SCAI: variants seen among roughly 807,000 people sequenced by gnomAD.
SCAI encodes the protein suppressor of cancer cell invasion, also known as protein SCAI.
Under a neutral mutation model 92.2 loss-of-function variants are expected in SCAI, and 24 were observed. That is an observed-to-expected ratio of 0.26 (90% confidence interval 0.19 to 0.37). The LOEUF is 0.37. SCAI is among the 10% of genes least tolerant of loss of function. The probability of loss-of-function intolerance (pLI) is 1.00; values close to 1 mark genes in which losing one functional copy is unlikely to be tolerated. For missense variants in SCAI, 450 were observed against 736.2 expected, an observed-to-expected ratio of 0.61 and a Z score of 4.50; for synonymous variants, 261 against 258.6, an observed-to-expected ratio of 1.01 and a Z score of -0.09.
chr9:125,140,674 C>T, intron 2 of SCAI, among the ~76,000 whole-genome samples: 1 of 131,184 alleles, frequency 7.6e-6, no homozygotes, highest in South Asian at 2.5e-4. Context: ...GGCAACATGG[C>T]CAAACCTTGT....
chr9:125,097,543 A>G (rs1166455054), intron 2 of SCAI, among the ~76,000 whole-genome samples: 1 of 152,084 alleles, frequency 6.6e-6, no homozygotes. Context: ...ATAGACACAG[A>G]TATATGTAAT....
intron 2 of SCAI, among the ~76,000 whole-genome samples, chr9:125,124,885 C>T (rs1835228030): frequency 6.6e-6 from 1 of 152,210 alleles, no homozygotes; most frequent in African/African-American, 2.4e-5. Context: ...CACTGGATAA[C>T]TACCTTACGG....
At chr9:124,954,300 A>T (rs1831280833) in intron 17 of SCAI, among the ~76,000 whole-genome samples, 1 of 152,262 alleles carries the variant, frequency 6.6e-6, no homozygotes, top group African/African-American at 2.4e-5. Context: ...AGCAGAATAC[A>T]CTGAATTCTT....
chr9:125,063,815 G>A (rs925992227), intron 2 of SCAI, among the ~76,000 whole-genome samples: 4 of 150,992 alleles, frequency 2.6e-5, no homozygotes, highest in East Asian at 1.9e-4. Context: ...GTGCAATGGC[G>A]GGATCTCGGC....
intron 2 of SCAI, among the ~76,000 whole-genome samples, chr9:125,121,472 A>G (rs1300347684): frequency 6.6e-6 from 1 of 152,006 alleles, no homozygotes; most frequent in African/African-American, 2.4e-5. Flanking sequence ...GTCCTTTTCC[A>G]CTTTGGAAAT....
intron 15 of SCAI, chr9:124,975,386 A>G: frequency 2.2e-6 from 1 of 456,656 alleles, no homozygotes; most frequent in African/African-American, 2.0e-5. Flanking sequence ...GAGAGACATC[A>G]GCACTATTCA....
chr9:125,035,212 C>T (rs1336941258), intron 3 of SCAI, among the ~76,000 whole-genome samples: 2 of 151,930 alleles, frequency 1.3e-5, no homozygotes, highest in African/African-American at 4.8e-5. Context: ...AACAATTAGC[C>T]AGGTGTGGTG....
At chr9:125,102,665 T>A (rs1440383646) in intron 2 of SCAI, among the ~76,000 whole-genome samples, 1 of 152,118 alleles carries the variant, frequency 6.6e-6, no homozygotes, top group East Asian at 1.9e-4. Flanking sequence ...TGGCACGATC[T>A]AAGCTCACTG....
At chr9:124,959,892 T>C (rs1831405921) in intron 17 of SCAI, among the ~76,000 whole-genome samples, 3 of 152,118 alleles carry the variant, frequency 2.0e-5, no homozygotes, top group South Asian at 2.1e-4. Flanking sequence ...TGCATAGTAT[T>C]CCATGGTGTA....
rs1831192327 is a variant in SCAI, at chr9:124,948,861, A to G, written c.*3946T>C. 1 of 152,220 alleles carries G rather than the reference A, an allele frequency of 6.6e-6. No homozygotes were observed. The highest frequency in any genetic ancestry group is 6.5e-5 in the Admixed American group (1 of 15,276). 9.4% of individuals were successfully genotyped at this position (152,220 alleles called of 1,614,324 possible). A position where few individuals can be genotyped will look rare whatever the true frequency, so the allele number is the denominator to read the frequency against. Reference sequence around the variant, plus strand: ...GCTTTGCTCTGTTCTTAGTTCCAATATTTAAATTTTTATGAATTATAAAAT... The same window carrying G: ...GCTTTGCTCTGTTCTTAGTTCCAATGTTTAAATTTTTATGAATTATAAAAT... On this transcript the variant is annotated 3_prime_UTR_variant, in exon 18 of 18. Coordinates refer to ENST00000336505, the MANE Select transcript of SCAI (RefSeq NM_001144877.3).
At chr9:125,015,248 C>G (rs567183797) in intron 9 of SCAI, among the ~76,000 whole-genome samples, 1 of 152,090 alleles carries the variant, frequency 6.6e-6, no homozygotes, top group African/African-American at 2.4e-5. Context: ...AACAGGCAAC[C>G]TACAAGATGG....
chr9:125,034,396 T>A (rs1356113846), intron 3 of SCAI, among the ~76,000 whole-genome samples: 1 of 151,744 alleles, frequency 6.6e-6, no homozygotes, highest in Admixed American at 6.6e-5. Flanking sequence ...CTAGAAAACA[T>A]GAGAAAGGAA....
At chr9:124,975,767 C>T (rs140085677) in intron 15 of SCAI, among the ~76,000 whole-genome samples, 5 of 152,246 alleles carry the variant, frequency 3.3e-5, no homozygotes. Flanking sequence ...TTAAAACATG[C>T]CTGCAAAGGT....
At position 124,993,109 on chromosome 9, in the gene SCAI, C is replaced by T. The variant is rs546037283; in HGVS notation, c.1326+1825G>A. Among the ~76,000 whole-genome samples the T allele has an allele frequency of 2.6e-5, 4 of 152,368 alleles. No individual in the cohort carries two copies. The South Asian group carries it at 8.3e-4, about 32-fold the overall frequency. On this transcript the variant is annotated intron_variant, in intron 14 of 17. Transcript: ENST00000336505. The stretch of plus-strand genomic sequence containing the variant: ...AAACACATTCTGTCACATCACCAAA[C>T]TGCTGCAACAAATTCATTTTCATTG...
At chr9:125,035,973 C>T (rs1289700246) in intron 3 of SCAI, among the ~76,000 whole-genome samples, 1 of 152,122 alleles carries the variant, frequency 6.6e-6, no homozygotes, top group East Asian at 1.9e-4. Flanking sequence ...TCTTTCTTTA[C>T]TTCTCTAATA....
At chr9:125,096,703 T>C (rs1323075495) in intron 2 of SCAI, among the ~76,000 whole-genome samples, 1 of 152,248 alleles carries the variant, frequency 6.6e-6, no homozygotes, top group East Asian at 1.9e-4. Context: ...CTCCTGCTTC[T>C]GGGGAACCCA....
At chr9:125,064,270 A>T (rs940421014) in intron 2 of SCAI, among the ~76,000 whole-genome samples, 8 of 152,210 alleles carry the variant, frequency 5.3e-5, no homozygotes, top group Non-Finnish European at 1.0e-4. Context: ...CCTAACTGAA[A>T]TATAGAGAAC....
intron 17 of SCAI, 27 bp downstream of exon 17, chr9:124,971,343 T>C (rs775277475): frequency 7.7e-7 from 1 of 1,303,230 alleles, no homozygotes; most frequent in East Asian, 2.3e-5. Context: ...ATGATAAAAT[T>C]CGTCTTTAAT....
chr9:125,094,002 CTAT>C (rs1382319384), intron 2 of SCAI, among the ~76,000 whole-genome samples: 1 of 152,086 alleles, frequency 6.6e-6, no homozygotes, highest in Non-Finnish European at 1.5e-5. Flanking sequence ...TTAATTGCAA[CTAT>C]TCACCCCAAA....
Sources: allele counts gnomAD v4.1 joint callset (sites outside exome capture counted in the v4.1 genomes callset), GRCh38; gene constraint gnomAD v4.1.1; transcripts MANE v1.5; gene names NCBI Gene and HGNC (gene_info 2026-07-23, HGNC 2026-07-21).